The following PDSS1 variants were observed in gnomAD, a reference collection of about 807,000 sequenced individuals.
PDSS1 encodes the protein decaprenyl diphosphate synthase subunit 1.
A neutral mutation model predicts 57.5 loss-of-function variants in PDSS1; 43 were observed. The ratio of observed to expected loss-of-function variants is 0.75; its 90% confidence interval spans 0.59 to 0.96. The LOEUF (loss-of-function observed/expected upper bound fraction) is 0.96. Among genes scored for constraint, PDSS1 ranks in the 50% least tolerant of loss-of-function variants. The pLI, the probability that PDSS1 is intolerant of heterozygous loss-of-function variation, is 0.00. For missense variants in PDSS1, 438 were observed against 527.8 expected, an observed-to-expected ratio of 0.83 and a Z score of 1.67; for synonymous variants, 175 against 191.3, an observed-to-expected ratio of 0.91 and a Z score of 0.70.
rs773085493 is a variant in PDSS1 at position 26,735,541 on chromosome 10, G to A, written c.988G>A (p.Gly330Arg). Residue 330 changes from glycine (G) to arginine (R), a missense_variant, in exon 10 of 12, where the codon GGG (glycine) becomes AGG (arginine). This residue lies in a region of PDSS1 where 284 missense variants were observed against 390.7 expected (regional missense o/e 0.73). Coordinates refer to ENST00000376215, the MANE Select transcript of PDSS1 (RefSeq NM_014317.5). ...ACCAACATCAGCTGATCTGAAGCTC[G>A]GGTTAGCCACTGGTCCTGTCCTGTT... ...GKPTSADLKLGLATGPVLFAC... is the reference protein window; with the variant it reads ...GKPTSADLKLRLATGPVLFAC... 18 of 1,613,804 alleles carry A rather than the reference G, an allele frequency of 1.1e-5. No individual in the cohort carries two copies. Among genetic ancestry groups the A allele is most frequent in the Admixed American group, 5.0e-5 (3 of 59,994 alleles).
intron 5 of PDSS1, among the ~76,000 whole-genome samples, chr10:26,718,360 T>G (rs1835668979): frequency 6.6e-6 from 1 of 152,112 alleles, no homozygotes; most frequent in African/African-American, 2.4e-5. Flanking sequence ...AGAAGTGGTT[T>G]TTATATGCTA....
At chr10:26,736,168 C>T (rs1316957879) in intron 10 of PDSS1, among the ~76,000 whole-genome samples, 1 of 152,176 alleles carries the variant, frequency 6.6e-6, no homozygotes. Context: ...ACTGAGTCCC[C>T]CTTAATGTGA....
chr10:26,714,386 A>G (rs561431615), intron 5 of PDSS1, among the ~76,000 whole-genome samples: 13 of 151,884 alleles, frequency 8.6e-5, no homozygotes, highest in African/African-American at 3.1e-4. Context: ...GGGGCAGGAG[A>G]ATCGCTTGAA....
chr10:26,729,644 A>G (rs1248604161), intron 8 of PDSS1, among the ~76,000 whole-genome samples: 1 of 152,238 alleles, frequency 6.6e-6, no homozygotes, highest in African/African-American at 2.4e-5. Context: ...AGTAGCTAGA[A>G]TTCAGTATTT....
chr10:26,705,470 CT>C, intron 4 of PDSS1, 76 bp downstream of exon 4: 1 of 606,320 alleles, frequency 1.6e-6, no homozygotes. Context: ...ATTTTTTATT[CT>C]TATAATTATT....
At chr10:26,701,891 T>G in intron 1 of PDSS1, 1 of 453,930 alleles carries the variant, frequency 2.2e-6, no homozygotes, top group Non-Finnish European at 4.4e-6. Flanking sequence ...AGAATAGCAG[T>G]GGGGGTTGAA....
chr10:26,721,427 C>T lies in PDSS1; in HGVS notation c.609+1068C>T, dbSNP rs961418633. On this transcript the variant is annotated intron_variant, in intron 6 of 11. Transcript: ENST00000376215. The stretch of plus-strand genomic sequence containing the variant: ...TTAAAAGAAGAGATATATGTATACA[C>T]ACACACACACACACACACACACATA... Among the ~76,000 whole-genome samples, 56 of 151,462 alleles carry T rather than the reference C, an allele frequency of 3.7e-4. 1 individual carries two copies. Among genetic ancestry groups the T allele is most frequent in the Middle Eastern group, 3.4e-3 (1 of 290 alleles).
chr10:26,740,968 C>A (rs781406823), intron 10 of PDSS1, among the ~76,000 whole-genome samples: 1 of 151,992 alleles, frequency 6.6e-6, no homozygotes, highest in Non-Finnish European at 1.5e-5. Context: ...CCTATTTTTT[C>A]TCTCTCTTCT....
At chr10:26,709,318 G>C (rs1408874682) in intron 4 of PDSS1, among the ~76,000 whole-genome samples, 1 of 152,214 alleles carries the variant, frequency 6.6e-6, no homozygotes, top group East Asian at 1.9e-4. Context: ...CCAACACTTT[G>C]GGAGGCCGAG....
rs577634449 is a variant in PDSS1, at chr10:26,742,693, A to C, written c.1107+116A>C. 31 of 706,974 alleles carry C rather than the reference A, an allele frequency of 4.4e-5. No individual in the cohort carries two copies. The Admixed American group carries it at 6.7e-4, about 15-fold the overall frequency. The allele number at this position is 706,974 out of a possible 1,614,324, so 43.8% of individuals were successfully genotyped here. On this transcript the variant is annotated intron_variant, in intron 11 of 11. Transcript: ENST00000376215. ...TTATAGATACAAGACTGTTTGGTCAACTCTTGATGTGACAAAAACTGAGAA... is the reference window on the plus strand; with the variant it reads ...TTATAGATACAAGACTGTTTGGTCACCTCTTGATGTGACAAAAACTGAGAA...
At chr10:26,714,147 C>G (rs1835484032) in intron 5 of PDSS1, among the ~76,000 whole-genome samples, 1 of 152,070 alleles carries the variant, frequency 6.6e-6, no homozygotes, top group African/African-American at 2.4e-5. Context: ...CAGCAAAACC[C>G]AAGCTCATTT....
At chr10:26,707,565 C>T (rs1835276659) in intron 4 of PDSS1, among the ~76,000 whole-genome samples, 1 of 152,132 alleles carries the variant, frequency 6.6e-6, no homozygotes, top group Non-Finnish European at 1.5e-5. Flanking sequence ...ACATGGTTCC[C>T]TTCACTCTGC....
At chr10:26,698,924 G>A (rs1451840600) in intron 1 of PDSS1, among the ~76,000 whole-genome samples, 1 of 152,184 alleles carries the variant, frequency 6.6e-6, no homozygotes, top group African/African-American at 2.4e-5. Context: ...AGGAGTTTGG[G>A]ACCAGCCTAG....
intron 2 of PDSS1, among the ~76,000 whole-genome samples, chr10:26,704,083 C>CCAAAAAAAAAAAAAA (rs1835132185): frequency 3.2e-5 from 1 of 31,050 alleles, no homozygotes; most frequent in South Asian, 1.9e-3. Flanking sequence ...CTCCGTCTCA[C>CCAAAAAAAAAAAAAA]AAAAAAAAAA....
intron 4 of PDSS1, among the ~76,000 whole-genome samples, chr10:26,707,236 A>T (rs1045344249): frequency 6.6e-6 from 1 of 152,142 alleles, no homozygotes; most frequent in Non-Finnish European, 1.5e-5. Flanking sequence ...ACATACACCA[A>T]TTAAGCTCTG....
chr10:26,728,996 G>T (rs1836070877), intron 8 of PDSS1, among the ~76,000 whole-genome samples: 1 of 151,914 alleles, frequency 6.6e-6, no homozygotes, highest in Non-Finnish European at 1.5e-5. Flanking sequence ...GCCCAGGCTG[G>T]TCTCAAACTC....
intron 11 of PDSS1, among the ~76,000 whole-genome samples, chr10:26,744,538 C>G (rs1216349375): frequency 6.6e-6 from 1 of 152,002 alleles, no homozygotes; most frequent in Admixed American, 6.6e-5. Context: ...CTACAGGCAC[C>G]CGCCACCACG....
chr10:26,732,771 A>G (rs763610287), intron 8 of PDSS1, among the ~76,000 whole-genome samples: 4 of 152,232 alleles, frequency 2.6e-5, no homozygotes, highest in Non-Finnish European at 4.4e-5. Context: ...AACTCAAATC[A>G]TACAAAGTGT....
chr10:26,719,491 G>A (rs1037619959), intron 5 of PDSS1, among the ~76,000 whole-genome samples: 1 of 152,276 alleles, frequency 6.6e-6, no homozygotes, highest in African/African-American at 2.4e-5. Flanking sequence ...ATTACTACGC[G>A]GGGTGCGGTG....
Sources: allele counts gnomAD v4.1 joint callset (sites outside exome capture counted in the v4.1 genomes callset), GRCh38; gene constraint gnomAD v4.1.1; regional missense constraint gnomAD v4.1.1; transcripts MANE v1.5; gene names NCBI Gene and HGNC (gene_info 2026-07-23, HGNC 2026-07-21).